The following GUCA1A variants were observed in gnomAD, a reference collection of about 807,000 sequenced individuals.
GUCA1A encodes guanylate cyclase activator 1A, also known as guanylyl cyclase-activating protein 1.
Under a neutral mutation model 18.5 loss-of-function variants are expected in GUCA1A, and 14 were observed. That is an observed-to-expected ratio of 0.76 (90% CI 0.50 to 1.18). GUCA1A has a LOEUF of 1.18. Among genes scored for constraint, GUCA1A ranks in the 50% most tolerant of loss-of-function variants. The pLI is 0.00. For synonymous variants in GUCA1A, 97 were observed against 100.2 expected (o/e 0.97, Z 0.19); for missense variants, 264 against 262.4 (o/e 1.01, Z -0.04).
rs779133969 is a variant in GUCA1A, at chr6:42,179,355, C to T, written c.558C>T (p.Gly186=). The change falls in exon 4 of 4, where the codon GGC becomes GGT. Residue 186 remains glycine (G), a synonymous_variant. Transcript: ENST00000372958. ...GCATCGTGCGCAGGCTCCAGAATGG[C>T]GAGCAAGACGAGGAGGGGGCTGACG... ...LTRIVRRLQN[G]EQDEEGADEA... The T allele has an allele frequency of 4.3e-6, 7 of 1,611,952 alleles. No homozygotes were observed. Among genetic ancestry groups the T allele is most frequent in the Middle Eastern group, 1.7e-4 (1 of 6,050 alleles).
intron 3 of GUCA1A, 113 bp from the exon 4 acceptor site, chr6:42,179,130 T>C (rs1346203333): frequency 5.7e-6 from 6 of 1,061,304 alleles, no homozygotes; most frequent in African/African-American, 4.7e-5. Flanking sequence ...GCAGGGGCTC[T>C]GACTTCTCCT....
chr6:42,176,689 C>CT (rs1767970654), intron 1 of GUCA1A, among the ~76,000 whole-genome samples: 1 of 152,160 alleles, frequency 6.6e-6, no homozygotes, highest in African/African-American at 2.4e-5. Context: ...CTGCCTCGGC[C>CT]TCCCAAAGTG....
At position 42,173,750 on chromosome 6, in the gene GUCA1A, A is replaced by C; in HGVS notation, c.137A>C (p.Lys46Thr). The C allele has an allele frequency of 6.2e-7, 1 of 1,614,204 alleles. No homozygotes were observed. The highest frequency in any genetic ancestry group is 8.5e-7 in the Non-Finnish European group (1 of 1,180,018). The change falls in exon 1 of 4, where the codon AAG becomes ACG. Residue 46 changes from lysine (K) to threonine (T), a missense_variant. By Grantham distance (78) the Lys-to-Thr change is moderately conservative. Coordinates refer to ENST00000372958, the MANE Select transcript of GUCA1A (RefSeq NM_001384910.1). Reference protein sequence around the residue: ...LYEFRQFFGLKNLSPSASQYV... With the variant: ...LYEFRQFFGLTNLSPSASQYV... The stretch of plus-strand genomic sequence containing the variant: ...GAGTTCCGCCAGTTCTTCGGCCTCA[A>C]GAACCTGAGCCCGTCGGCCAGCCAG...
In GUCA1A at chr6:42,173,667, C is replaced by A; in HGVS notation, c.54C>A (p.Cys18Ter). 6.2e-7 allele frequency: 1 copy of A among 1,614,016 alleles called. No homozygotes were observed. Among genetic ancestry groups the A allele is most frequent in the South Asian group, 1.1e-5 (1 of 91,084 alleles). Residue 18 changes from cysteine (C) to a stop codon, truncating the protein, a stop_gained, in exon 1 of 4, where the codon TGC (cysteine) becomes TGA (stop). Transcript: ENST00000372958. LOFTEE classifies it high-confidence loss of function. ...TGGAGGAGCTGAGCAGCACCGAGTGCCACCAGTGGTACAAGAAGTTCATGA... is the reference window on the plus strand; with the variant it reads ...TGGAGGAGCTGAGCAGCACCGAGTGACACCAGTGGTACAAGAAGTTCATGA... ...KSVEELSSTE[C>*]HQWYKKFMTE...
chr6:42,179,009 C>T, intron 3 of GUCA1A, 114 bp downstream of exon 3: 1 of 966,298 alleles, frequency 1.0e-6, no homozygotes, highest in Non-Finnish European at 1.7e-6. Context: ...GCCCAAAGGC[C>T]CCCGTGCTGG....
chr6:42,176,429 T>G (rs1421241786), intron 1 of GUCA1A, among the ~76,000 whole-genome samples: 2 of 151,900 alleles, frequency 1.3e-5, no homozygotes, highest in African/African-American at 4.8e-5. Context: ...TGTTTTGTTT[T>G]TTGTTGTTGT....
At chr6:42,177,145 T>G (rs1767979650) in intron 1 of GUCA1A, among the ~76,000 whole-genome samples, 1 of 152,140 alleles carries the variant, frequency 6.6e-6, no homozygotes, top group Non-Finnish European at 1.5e-5. Context: ...ATCACACAGG[T>G]GCACACAAAT....
intron 3 of GUCA1A, 57 bp from the exon 4 acceptor site, chr6:42,179,186 T>G (rs1768045478): frequency 2.6e-6 from 4 of 1,517,850 alleles, no homozygotes; most frequent in Non-Finnish European, 3.7e-6. Context: ...GGTTCTGTGC[T>G]CTGGACTGCA....
chr6:42,177,367 A>G lies in GUCA1A; in HGVS notation c.202-913A>G, dbSNP rs564556612. On this transcript the variant is annotated intron_variant, in intron 1 of 3. Coordinates refer to ENST00000372958, the MANE Select transcript of GUCA1A (RefSeq NM_001384910.1). ...AGGAAGTCCATGGAGAGCACTAAGA[A>G]AAGTTAGTATTGCTATATATTTTCA... is the stretch of plus-strand genomic sequence containing the variant. Among the ~76,000 whole-genome samples the G allele has an allele frequency of 2.0e-5, 3 of 152,300 alleles. No homozygotes were observed. The South Asian group carries it at 6.2e-4, about 32-fold the overall frequency.
At chr6:42,178,119 C>G (rs919286981) in intron 1 of GUCA1A, among the ~76,000 whole-genome samples, 161 bp from the exon 2 acceptor site, 2 of 152,250 alleles carry the variant, frequency 1.3e-5, no homozygotes, top group Admixed American at 1.3e-4. Flanking sequence ...ACGGCGGAGA[C>G]AGGGCTGGCC....
chr6:42,178,293 A>G lies in GUCA1A; in HGVS notation c.215A>G (p.Asp72Gly). Residue 72 changes from aspartate (D) to glycine (G), a missense_variant, in exon 2 of 4, where the codon GAT becomes GGT. Coordinates refer to ENST00000372958, the MANE Select transcript of GUCA1A (RefSeq NM_001384910.1). ...TFDFNKDGYI[D>G]FMEYVAALSL... ...CCCCTCGCCCAGGACGGCTACATTG[A>G]TTTCATGGAGTACGTGGCAGCGCTC... is the stretch of plus-strand genomic sequence containing the variant. 6.2e-7 allele frequency: 1 copy of G among 1,613,952 alleles called. No homozygotes were observed.
At chr6:42,178,528 T>A in intron 2 of GUCA1A, 99 bp downstream of exon 2, 2 of 1,189,212 alleles carry the variant, frequency 1.7e-6, no homozygotes, top group Non-Finnish European at 2.5e-6. Flanking sequence ...TGAGACAGGA[T>A]GTGGGACTGA....
At chr6:42,176,594 T>G (rs940476708) in intron 1 of GUCA1A, among the ~76,000 whole-genome samples, 1 of 152,080 alleles carries the variant, frequency 6.6e-6, no homozygotes, top group Non-Finnish European at 1.5e-5. Context: ...CCACCACGCC[T>G]GGCTAATTTT....
intron 1 of GUCA1A, among the ~76,000 whole-genome samples, 169 bp from the exon 2 acceptor site, chr6:42,178,111 G>A (rs1317983584): frequency 2.0e-5 from 3 of 152,214 alleles, no homozygotes; most frequent in Non-Finnish European, 2.9e-5. Flanking sequence ...GATAGGTCAC[G>A]GCGGAGACAG....
In GUCA1A at chr6:42,178,369, G is replaced by C; in HGVS notation, c.291G>C (p.Lys97Asn). ...AACAGAAGCTCCGCTGGTACTTCAA[G>C]CTCTATGATGTAGATGGCAACGGCT... ...KVEQKLRWYF[K>N]LYDVDGNGCI... is the part of the protein sequence containing the mutation. The change falls in exon 2 of 4, where the codon AAG becomes AAC. Residue 97 changes from lysine to asparagine, a missense_variant. Physicochemically the swap from Lys to Asn is moderately conservative, Grantham distance 94. Transcript: ENST00000372958. 6.2e-7 allele frequency: 1 copy of C among 1,614,000 alleles called. No individual in the cohort carries two copies. Among genetic ancestry groups the C allele is most frequent in the African/African-American group, 1.3e-5 (1 of 75,060 alleles).
In GUCA1A at chr6:42,178,298, A is replaced by C; in HGVS notation, c.220A>C (p.Met74Leu). The C allele has an allele frequency of 6.2e-7, 1 of 1,614,086 alleles. No individual in the cohort carries two copies. The highest frequency in any genetic ancestry group is 8.5e-7 in the Non-Finnish European group (1 of 1,180,024). ...DFNKDGYIDF[M>L]EYVAALSLVL... Reference sequence around the variant, plus strand: ...CGCCCAGGACGGCTACATTGATTTCATGGAGTACGTGGCAGCGCTCAGCTT... The same window carrying C: ...CGCCCAGGACGGCTACATTGATTTCCTGGAGTACGTGGCAGCGCTCAGCTT... Residue 74 changes from methionine (M) to leucine (L), a missense_variant, in exon 2 of 4, where the codon ATG (methionine) becomes CTG (leucine). Transcript: ENST00000372958.
At chr6:42,179,007 G>A (rs1768039632) in intron 3 of GUCA1A, 112 bp downstream of exon 3, 2 of 974,408 alleles carry the variant, frequency 2.1e-6, no homozygotes, top group African/African-American at 3.2e-5. Flanking sequence ...AGGCCCAAAG[G>A]CCCCCGTGCT....
chr6:42,179,090 C>T (rs1159245823), intron 3 of GUCA1A, among the ~76,000 whole-genome samples, 153 bp from the exon 4 acceptor site: 1 of 152,210 alleles, frequency 6.6e-6, no homozygotes, highest in East Asian at 1.9e-4. Context: ...AGAATCTGGG[C>T]TCTGGGTTCC....
chr6:42,174,126 TG>T (rs1339195552), intron 1 of GUCA1A, among the ~76,000 whole-genome samples: 4 of 152,374 alleles, frequency 2.6e-5, no homozygotes, highest in Admixed American at 2.6e-4. Context: ...AATCCGAGGC[TG>T]AATCCAATGG....
Sources: allele counts gnomAD v4.1 joint callset (sites outside exome capture counted in the v4.1 genomes callset), GRCh38; gene constraint gnomAD v4.1.1; transcripts MANE v1.5; gene names NCBI Gene and HGNC (gene_info 2026-07-23, HGNC 2026-07-21).